The following SPIDR variants were observed in gnomAD, a reference collection of about 807,000 sequenced individuals.
SPIDR encodes scaffold protein involved in DNA repair.
SPIDR carries 93 observed loss-of-function variants against 104.6 expected under a neutral mutation model. The observed-to-expected ratio is 0.89, with a 90% CI of 0.75 to 1.06. The LOEUF is 1.06. SPIDR is among the 50% of genes least tolerant of loss of function. SPIDR has a pLI of 0.00. For missense variants in SPIDR, 1,154 were observed against 1,111.2 expected, an observed-to-expected ratio of 1.04 and a Z score of -0.55; for synonymous variants, 431 against 416.9, an observed-to-expected ratio of 1.03 and a Z score of -0.41.
intron 14 of SPIDR, among the ~76,000 whole-genome samples, chr8:47,703,823 A>G (rs1010945042): frequency 2.0e-5 from 3 of 152,140 alleles, no homozygotes; most frequent in African/African-American, 7.2e-5. Flanking sequence ...AAACAACCCA[A>G]GTGTCTCCTG....
intron 8 of SPIDR, among the ~76,000 whole-genome samples, chr8:47,454,524 T>C (rs1330011671): frequency 6.6e-6 from 1 of 152,006 alleles, no homozygotes; most frequent in Non-Finnish European, 1.5e-5. Context: ...TTAGGAGATA[T>C]ACCTAATGTA....
intron 8 of SPIDR, among the ~76,000 whole-genome samples, chr8:47,449,618 A>C (rs544581226): frequency 3.9e-4 from 59 of 152,224 alleles, no homozygotes; most frequent in Non-Finnish European, 7.1e-4. Context: ...CAAGGAATTT[A>C]GTCTTTTCCG....
intron 10 of SPIDR, among the ~76,000 whole-genome samples, chr8:47,633,961 G>A (rs1268402695): frequency 4.6e-5 from 7 of 152,078 alleles, no homozygotes; most frequent in Non-Finnish European, 1.0e-4. Context: ...GAGTGTGGTG[G>A]TGCATGCCAA....
chr8:47,720,196 T>C (rs1182668930), intron 16 of SPIDR, among the ~76,000 whole-genome samples: 1 of 152,252 alleles, frequency 6.6e-6, no homozygotes, highest in East Asian at 1.9e-4. Context: ...GATAGCGCAT[T>C]TCTTTTTAGC....
intron 7 of SPIDR, among the ~76,000 whole-genome samples, chr8:47,422,228 A>G (rs1337979531): frequency 6.6e-6 from 1 of 152,166 alleles, no homozygotes; most frequent in Non-Finnish European, 1.5e-5. Flanking sequence ...AGAGGCAGGC[A>G]GGCCTCCTTG....
intron 2 of SPIDR, among the ~76,000 whole-genome samples, chr8:47,283,773 G>A (rs1212915893): frequency 2.0e-5 from 3 of 152,180 alleles, no homozygotes; most frequent in African/African-American, 7.2e-5. Flanking sequence ...GGAGTCACAT[G>A]TATGAGCAGA....
At chr8:47,320,730 A>T (rs1005681494) in intron 5 of SPIDR, among the ~76,000 whole-genome samples, 4 of 152,208 alleles carry the variant, frequency 2.6e-5, no homozygotes, top group African/African-American at 9.7e-5. Context: ...CCAGCATCAC[A>T]TGGAAAAGCT....
At chr8:47,469,868 G>A (rs1327915825) in intron 8 of SPIDR, among the ~76,000 whole-genome samples, 2 of 152,036 alleles carry the variant, frequency 1.3e-5, no homozygotes, top group Non-Finnish European at 1.5e-5. Flanking sequence ...AACTTAAAAG[G>A]TAAAGAAGAA....
chr8:47,444,108 A>G (rs1164158070), intron 8 of SPIDR, among the ~76,000 whole-genome samples: 4 of 152,260 alleles, frequency 2.6e-5, no homozygotes, highest in Non-Finnish European at 5.9e-5. Context: ...CATAGTTTCA[A>G]CATTTATTAA....
chr8:47,364,442 T>C lies in SPIDR; in HGVS notation c.526-31934T>C, dbSNP rs560329492. Reference sequence around the variant, plus strand: ...GAACCCTGGCTCTTGTTCCAAGAAGTGTTTTTGATGCAGAGCTTCAATGCA... The same window carrying C: ...GAACCCTGGCTCTTGTTCCAAGAAGCGTTTTTGATGCAGAGCTTCAATGCA... On this transcript the variant is annotated intron_variant, in intron 5 of 19. Transcript: ENST00000297423. Among the ~76,000 whole-genome samples the C allele has an allele frequency of 4.6e-5, 7 of 152,312 alleles. No homozygotes were observed. The South Asian group carries it at 1.0e-3, about 23-fold the overall frequency.
intron 8 of SPIDR, among the ~76,000 whole-genome samples, chr8:47,586,492 G>C (rs553525121): frequency 5.3e-5 from 8 of 152,280 alleles, no homozygotes; most frequent in African/African-American, 1.9e-4. Context: ...TAATGATGTA[G>C]AACATCTTTC....
At chr8:47,547,324 A>T (rs2089590553) in intron 8 of SPIDR, 1 of 523,600 alleles carries the variant, frequency 1.9e-6, no homozygotes, top group Non-Finnish European at 3.8e-6. Flanking sequence ...GTCAATGCCC[A>T]TGACATCTAT....
At chr8:47,660,989 A>G in intron 10 of SPIDR, 1 of 985,124 alleles carries the variant, frequency 1.0e-6, no homozygotes, top group Non-Finnish European at 1.2e-6. Context: ...AATTCACATA[A>G]TCTGGATTGT....
At chr8:47,727,163 C>T (rs777098711) in intron 16 of SPIDR, 37 bp from the exon 17 acceptor site, 87 of 1,596,018 alleles carry the variant, frequency 5.5e-5, no homozygotes, top group Non-Finnish European at 7.1e-5. Context: ...GAGGGCAGAG[C>T]CGCCTCTGAG....
At chr8:47,547,159 C>CGA (rs1454129918) in intron 8 of SPIDR, 13 of 607,874 alleles carry the variant, frequency 2.1e-5, no homozygotes, top group Non-Finnish European at 3.8e-5. Context: ...GCAGATGATG[C>CGA]GAGCATCATG....
At chr8:47,456,588 C>T (rs1175582588) in intron 8 of SPIDR, among the ~76,000 whole-genome samples, 4 of 151,956 alleles carry the variant, frequency 2.6e-5, no homozygotes, top group African/African-American at 9.7e-5. Flanking sequence ...CCATTTGGTC[C>T]AAGGTTTTAT....
chr8:47,646,207 T>C (rs1588764806), intron 10 of SPIDR, among the ~76,000 whole-genome samples: 2 of 152,308 alleles, frequency 1.3e-5, no homozygotes, highest in African/African-American at 4.8e-5. Flanking sequence ...TGAATTAAAA[T>C]AACACTATTA....
chr8:47,378,424 T>G (rs2058928966), intron 5 of SPIDR, among the ~76,000 whole-genome samples: 1 of 152,244 alleles, frequency 6.6e-6, no homozygotes, highest in African/African-American at 2.4e-5. Flanking sequence ...AGGACAAATT[T>G]GTTCTTTAAA....
intron 5 of SPIDR, among the ~76,000 whole-genome samples, chr8:47,300,109 A>G (rs1186983406): frequency 2.0e-5 from 3 of 152,122 alleles, no homozygotes; most frequent in African/African-American, 7.2e-5. Flanking sequence ...TAAGCTATTA[A>G]TTATTGCCTC....
Sources: allele counts gnomAD v4.1 joint callset (sites outside exome capture counted in the v4.1 genomes callset), GRCh38; gene constraint gnomAD v4.1.1; transcripts MANE v1.5; gene names NCBI Gene and HGNC (gene_info 2026-07-23, HGNC 2026-07-21).